Variants in KLRG1 observed in about 807,000 individuals in gnomAD.
The protein encoded by KLRG1 is killer cell lectin-like receptor subfamily G member 1.
In KLRG1, 16 loss-of-function variants were observed where a neutral mutation model predicts 21.8. The ratio of observed to expected loss-of-function variants is 0.73; its 90% CI spans 0.50 to 1.11. The LOEUF is 1.11. Among genes scored for constraint, KLRG1 ranks in the 50% most tolerant of loss-of-function variants. The pLI is 0.00. For missense variants in KLRG1, 173 were observed against 218.3 expected, an observed-to-expected ratio of 0.79 and a Z score of 1.31; for synonymous variants, 69 against 75.9, an observed-to-expected ratio of 0.91 and a Z score of 0.47.
chr12:9,206,031 A>T, the KLRG1 span, among the ~76,000 whole-genome samples: 1 of 152,182 alleles, frequency 6.6e-6, no homozygotes, highest in South Asian at 2.1e-4. Context: ...ATGAGTAGTA[A>T]GGTTTTGTTC....
chr12:8,963,288 T>C (rs2137224364), intron 1 of KLRG1, among the ~76,000 whole-genome samples: 1 of 152,308 alleles, frequency 6.6e-6, no homozygotes, highest in African/African-American at 2.4e-5. Flanking sequence ...TTTTTCTGCA[T>C]GAAGGAAAAT....
the KLRG1 span, chr12:9,089,170 G>GT: frequency 2.0e-6 from 3 of 1,515,346 alleles, no homozygotes; most frequent in East Asian, 2.3e-5. Flanking sequence ...AGACTTTAAT[G>GT]TTTTTTAAAT....
intron 1 of KLRG1, among the ~76,000 whole-genome samples, chr12:8,977,989 G>A (rs1331274765): frequency 1.3e-5 from 2 of 152,154 alleles, no homozygotes; most frequent in Non-Finnish European, 2.9e-5. Flanking sequence ...CACCTGAGTA[G>A]CTGGGATTAC....
chr12:9,089,195 C>A, the KLRG1 span: 9 of 1,579,506 alleles, frequency 5.7e-6, no homozygotes, highest in Non-Finnish European at 6.9e-6. Flanking sequence ...ATGGTTGACT[C>A]TTACCTGATG....
At chr12:8,951,027 G>GC (rs1480969047) in intron 1 of KLRG1, among the ~76,000 whole-genome samples, 3 of 134,348 alleles carry the variant, frequency 2.2e-5, no homozygotes, top group African/African-American at 7.6e-5. Context: ...GTTGGATGTT[G>GC]CCCCAATAAA....
chr12:9,030,307 T>C, the KLRG1 span, among the ~76,000 whole-genome samples: 1 of 152,226 alleles, frequency 6.6e-6, no homozygotes, highest in African/African-American at 2.4e-5. Context: ...GTGTACATAA[T>C]ATAAAGTTTA....
At chr12:9,185,195 CAGA>C in the KLRG1 span, among the ~76,000 whole-genome samples, 2 of 152,132 alleles carry the variant, frequency 1.3e-5, no homozygotes, top group Non-Finnish European at 2.9e-5. Context: ...TAAAATGATG[CAGA>C]AGCTGACAGA....
At chr12:9,184,172 G>T in the KLRG1 span, among the ~76,000 whole-genome samples, 4 of 152,148 alleles carry the variant, frequency 2.6e-5, no homozygotes, top group African/African-American at 7.2e-5. Context: ...ACTGCTGGCA[G>T]CGTGAGTGTC....
At chr12:9,074,684 T>C in the KLRG1 span, 1 of 1,613,924 alleles carries the variant, frequency 6.2e-7, no homozygotes. Context: ...GAGGAGCACA[T>C]AGGATGTCAT....
chr12:9,040,439 C>G, the KLRG1 span, among the ~76,000 whole-genome samples: 1 of 152,134 alleles, frequency 6.6e-6, no homozygotes, highest in East Asian at 1.9e-4. Context: ...TGGTTTGGAT[C>G]TATAAGAAGG....
the KLRG1 span, among the ~76,000 whole-genome samples, chr12:9,203,046 T>A: frequency 2.6e-5 from 4 of 152,160 alleles, no homozygotes; most frequent in African/African-American, 9.7e-5. Flanking sequence ...GTACTAGGTG[T>A]TTGCTTAGGG....
At chr12:9,101,152 T>C in the KLRG1 span, 1 of 1,559,946 alleles carries the variant, frequency 6.4e-7, no homozygotes, top group Non-Finnish European at 8.7e-7. Flanking sequence ...ACTGTCTTCC[T>C]GCTTCACAAG....
the KLRG1 span, among the ~76,000 whole-genome samples, chr12:9,097,632 C>CTTTTT: frequency 7.5e-3 from 949 of 127,086 alleles, 27 homozygotes; most frequent in African/African-American, 0.026. Flanking sequence ...TGATGTAATT[C>CTTTTT]TTTTTTTTTT....
At chr12:9,117,300 T>C in the KLRG1 span, among the ~76,000 whole-genome samples, 1 of 152,130 alleles carries the variant, frequency 6.6e-6, no homozygotes, top group Non-Finnish European at 1.5e-5. Context: ...TTGCTCTTAT[T>C]GAAATTTGAA....
chr12:9,153,285 G>C, the KLRG1 span: 1 of 1,614,068 alleles, frequency 6.2e-7, no homozygotes, highest in African/African-American at 1.3e-5. Flanking sequence ...AGTTTTCTCA[G>C]TTCTGGTGAA....
At chr12:9,086,802 AAAAAGAAATG>A in the KLRG1 span, among the ~76,000 whole-genome samples, 5 of 152,228 alleles carry the variant, frequency 3.3e-5, no homozygotes. Context: ...ATCAAACATG[AAAAAGAAATG>A]AAAAATATCC....
chr12:9,045,731 A>G, the KLRG1 span, among the ~76,000 whole-genome samples: 6 of 152,244 alleles, frequency 3.9e-5, no homozygotes, highest in Middle Eastern at 3.2e-3. Flanking sequence ...TTATAAAGAT[A>G]CATGCACACA....
the KLRG1 span, among the ~76,000 whole-genome samples, chr12:9,040,328 G>A: frequency 6.6e-6 from 1 of 152,094 alleles, no homozygotes; most frequent in Non-Finnish European, 1.5e-5. Context: ...CCATTTTTCT[G>A]TTTAAGCGCC....
the KLRG1 span, among the ~76,000 whole-genome samples, chr12:9,207,898 A>G: frequency 6.6e-6 from 1 of 151,924 alleles, no homozygotes; most frequent in South Asian, 2.1e-4. Flanking sequence ...TACTTTCTGT[A>G]TATATATATA....
Sources: gnomAD v4.1 joint callset for allele counts (sites outside exome capture counted in the v4.1 genomes callset) on GRCh38, gnomAD v4.1.1 for gene constraint, MANE v1.5 for transcripts, NCBI Gene and HGNC (gene_info 2026-07-23, HGNC 2026-07-21) for gene names.